TIAM2: variants seen among roughly 807,000 people sequenced by gnomAD.
TIAM2 encodes rho guanine nucleotide exchange factor TIAM2.
In TIAM2, 80 loss-of-function variants were observed where a neutral mutation model predicts 152.9. The ratio of observed to expected loss-of-function variants is 0.52; its 90% confidence interval spans 0.44 to 0.63. The LOEUF is 0.63. Ranked by LOEUF, TIAM2 falls within the 30% of genes least tolerant of loss-of-function variation. TIAM2 has a pLI of 0.00. For synonymous variants in TIAM2, 804 were observed against 838.0 expected, an observed-to-expected ratio of 0.96 and a Z score of 0.70; for missense variants, 1,965 against 2,120.1, an observed-to-expected ratio of 0.93 and a Z score of 1.44.
rs1783441900 is a variant in TIAM2 at position 155,248,159 on chromosome 6, A to C, written c.3812A>C (p.Glu1271Ala). 5 of 1,613,750 alleles carry C rather than the reference A, an allele frequency of 3.1e-6. No homozygotes were observed. Among genetic ancestry groups the C allele is most frequent in the Non-Finnish European group, 4.2e-6 (5 of 1,180,014 alleles). The part of the protein sequence containing the change: ...ELVSLTDQES[E>A]EHYHLTEALK... ...GTGTCCCTGACGGACCAGGAGAGCG[A>C]GGAGCACTACCACCTGACGGGTGAG... Residue 1271 changes from glutamate to alanine, a missense_variant, in exon 20 of 27, where the codon GAG (glutamate) becomes GCG (alanine). Glu to Ala is a moderately radical substitution (Grantham distance 107). Coordinates refer to ENST00000682666, the MANE Select transcript of TIAM2 (RefSeq NM_012454.4).
In TIAM2 at chr6:155,164,540, C is replaced by T. The variant is rs1432854685; in HGVS notation, c.2154C>T (p.Arg718=). ...AGAGTCTCCTTGCAGCCGCCAGCCG[C>T]CCCTCCAAGCTGGCCCTCGGCAGGC... ...NPKSLLAAAS[R]PSKLALGRLG... Residue 718 remains arginine (R), a synonymous_variant, in exon 8 of 27, where the codon CGC becomes CGT. Transcript: ENST00000682666. 4 of 1,614,128 alleles carry T rather than the reference C, an allele frequency of 2.5e-6. No homozygotes were observed. The highest frequency in any genetic ancestry group is 2.2e-5 in the East Asian group (1 of 44,864).
intron 1 of TIAM2, among the ~76,000 whole-genome samples, chr6:155,002,552 C>T (rs1583144860): frequency 6.6e-6 from 1 of 152,144 alleles, no homozygotes; most frequent in East Asian, 1.9e-4. Context: ...TCCACGGAGA[C>T]CCAGAAAAGC....
chr6:155,090,982 A>C (rs1346246705), intron 2 of TIAM2, among the ~76,000 whole-genome samples: 1 of 152,070 alleles, frequency 6.6e-6, no homozygotes. Flanking sequence ...CGGCGTTTGA[A>C]ATGGTGGCAG....
intron 2 of TIAM2, among the ~76,000 whole-genome samples, chr6:155,114,039 T>G (rs1394994323): frequency 1.5e-5 from 1 of 67,020 alleles, no homozygotes; most frequent in Non-Finnish European, 2.8e-5. Context: ...TATATATATT[T>G]TTTTTTTTTT....
chr6:155,249,690 G>A (rs186663022), intron 20 of TIAM2, among the ~76,000 whole-genome samples, 161 bp from the exon 21 acceptor site: 2 of 152,298 alleles, frequency 1.3e-5, no homozygotes, highest in Admixed American at 1.3e-4. Context: ...CTAAGGGCTG[G>A]GCTACAGTGG....
At chr6:155,055,462 A>G (rs1244195055) in intron 1 of TIAM2, among the ~76,000 whole-genome samples, 2 of 152,222 alleles carry the variant, frequency 1.3e-5, no homozygotes, top group African/African-American at 2.4e-5. Flanking sequence ...ACTAAAACAA[A>G]ATCATTAAAA....
Position 155,218,919 on chromosome 6 carries a change from GCCGTGTTCTTGACCATCTCAGCCGCCCAC to G in TIAM2, c.3168+7666_3168+7694del, listed in dbSNP as rs1781949501. 1.5e-5 allele frequency among the ~76,000 whole-genome samples: 2 copies of G among 134,812 alleles called. No homozygotes were observed. The highest frequency in any genetic ancestry group is 2.2e-4 in the East Asian group (1 of 4,608). 88.4% of individuals were successfully genotyped at this position (134,812 alleles called of 152,430 possible). A position where few individuals can be genotyped will look rare whatever the true frequency, so the allele number is the denominator to read the frequency against. On this transcript the variant is annotated intron_variant, in intron 15 of 26. Transcript: ENST00000682666. The surrounding 1 kb of genome is among the most constrained non-coding windows in gnomAD (Gnocchi z 4.5). ...CCCACCCGTGTTCTTGACCATCTCA[GCCGTGTTCTTGACCATCTCAGCCGCCCAC>G]CCGTGTTCTTGACCATCTCAGCCGC...
At chr6:155,006,362 CT>C (rs1204412703) in intron 1 of TIAM2, among the ~76,000 whole-genome samples, 10 of 149,228 alleles carry the variant, frequency 6.7e-5, no homozygotes, top group East Asian at 2.0e-4. Flanking sequence ...GCTCAAGGCA[CT>C]TTTTTTTTTC....
At chr6:155,039,116 G>A (rs939292643) in intron 1 of TIAM2, among the ~76,000 whole-genome samples, 2 of 151,340 alleles carry the variant, frequency 1.3e-5, no homozygotes, top group African/African-American at 4.9e-5. Flanking sequence ...GTGTGCCACC[G>A]CACCTGGCTA....
intron 7 of TIAM2, among the ~76,000 whole-genome samples, chr6:155,158,984 A>C (rs1780195161): frequency 6.6e-6 from 1 of 152,174 alleles, no homozygotes; most frequent in Admixed American, 6.5e-5. Context: ...GTAATACATT[A>C]CTATTTTGGT....
At chr6:155,082,437 G>C (rs1369270270) in intron 1 of TIAM2, among the ~76,000 whole-genome samples, 2 of 152,086 alleles carry the variant, frequency 1.3e-5, no homozygotes, top group African/African-American at 4.8e-5. Context: ...GATTACCTGA[G>C]GTCGGGAGTT....
chr6:155,189,578 A>G (rs532419593), intron 14 of TIAM2, among the ~76,000 whole-genome samples: 45 of 152,116 alleles, frequency 3.0e-4, no homozygotes, highest in Non-Finnish European at 5.3e-4. Context: ...TCTTTTTCTT[A>G]TTCTCAGTCA....
chr6:155,150,567 T>A (rs537691496), intron 7 of TIAM2, among the ~76,000 whole-genome samples: 2 of 152,114 alleles, frequency 1.3e-5, no homozygotes, highest in East Asian at 3.9e-4. Flanking sequence ...GTGACAAGAG[T>A]TGGCAGTTAG....
At chr6:155,002,146 C>T (rs1241545517) in intron 1 of TIAM2, among the ~76,000 whole-genome samples, 2 of 152,128 alleles carry the variant, frequency 1.3e-5, no homozygotes, top group East Asian at 1.9e-4. Context: ...TAGTGGCTCA[C>T]GCCCATAATC....
chr6:155,144,095 C>T (rs1406946838), intron 5 of TIAM2, among the ~76,000 whole-genome samples: 1 of 152,198 alleles, frequency 6.6e-6, no homozygotes, highest in Non-Finnish European at 1.5e-5. Flanking sequence ...CTCCCTCGTT[C>T]CTCTCCAGCC....
At chr6:155,001,520 G>A (rs547642707) in intron 1 of TIAM2, among the ~76,000 whole-genome samples, 3 of 152,336 alleles carry the variant, frequency 2.0e-5, no homozygotes, top group Admixed American at 6.5e-5. Context: ...GCAGACATAG[G>A]CTGGTGCCCT....
intron 2 of TIAM2, among the ~76,000 whole-genome samples, chr6:155,100,980 C>T (rs191179865): frequency 1.5e-3 from 221 of 152,242 alleles, no homozygotes; most frequent in African/African-American, 4.8e-3. Context: ...AATGTCTGAG[C>T]GGCCAATGAA....
At chr6:155,109,085 A>G (rs776577270) in intron 2 of TIAM2, among the ~76,000 whole-genome samples, 2 of 151,882 alleles carry the variant, frequency 1.3e-5, no homozygotes, top group Admixed American at 6.6e-5. Flanking sequence ...CTGGGTTCAC[A>G]CCATTCTCCT....
rs141194087 is a variant in TIAM2, at chr6:155,093,621, G to A, written c.-118+3242G>A. 3.6e-3 allele frequency among the ~76,000 whole-genome samples: 541 copies of A among 152,344 alleles called. 5 individuals are homozygous for A. The highest frequency in any genetic ancestry group is 0.012 in the African/African-American group (511 of 41,584). On this transcript the variant is annotated intron_variant, in intron 2 of 26. Transcript: ENST00000682666. ...CACGTGAGGAAGACTTTCCTATAGA[G>A]CTGTGGAAAGATGAGATGGTGCCTC...
Sources: allele counts gnomAD v4.1 joint callset (sites outside exome capture counted in the v4.1 genomes callset), GRCh38; gene constraint gnomAD v4.1.1; non-coding constraint Gnocchi (gnomAD v3.1); transcripts MANE v1.5; gene names NCBI Gene and HGNC (gene_info 2026-07-23, HGNC 2026-07-21).